HTR1D: variants seen among roughly 807,000 people sequenced by gnomAD.
The protein encoded by HTR1D is 5-HT-1D.
HTR1D carries 18 observed loss-of-function variants against 21.1 expected under a neutral mutation model. The observed-to-expected ratio is 0.85, with a 90% CI of 0.59 to 1.27. HTR1D has a LOEUF of 1.27. HTR1D is among the 50% of genes most tolerant of loss of function. The pLI is 0.00. For missense variants in HTR1D, 456 were observed against 481.4 expected (o/e 0.95, Z 0.49); for synonymous variants, 196 against 204.4 (o/e 0.96, Z 0.35).
intron 1 of HTR1D, among the ~76,000 whole-genome samples, chr1:23,215,665 G>A (rs772644103): frequency 1.3e-5 from 2 of 152,146 alleles, no homozygotes; most frequent in South Asian, 2.1e-4. Flanking sequence ...CAGTGGTCCC[G>A]CCCTCATTAT....
chr1:23,209,250 C>T (rs542738568), intron 1 of HTR1D, among the ~76,000 whole-genome samples: 5 of 152,146 alleles, frequency 3.3e-5, no homozygotes, highest in Admixed American at 2.0e-4. Context: ...CCGTCCGCCT[C>T]GGCCTCCCAA....
chr1:23,205,636 C>A (rs544532184), intron 1 of HTR1D, among the ~76,000 whole-genome samples: 1 of 152,228 alleles, frequency 6.6e-6, no homozygotes, highest in African/African-American at 2.4e-5. Context: ...TTCCGCCTCC[C>A]GGGTTCAAGT....
chr1:23,213,123 G>A (rs2148244643), intron 1 of HTR1D, among the ~76,000 whole-genome samples: 1 of 152,240 alleles, frequency 6.6e-6, no homozygotes, highest in South Asian at 2.1e-4. Context: ...ACCATATCTG[G>A]CCAGCGCCTC....
chr1:23,198,140 G>A (rs1190725096), intron 1 of HTR1D, among the ~76,000 whole-genome samples: 1 of 151,506 alleles, frequency 6.6e-6, no homozygotes, highest in African/African-American at 2.4e-5. Context: ...GGGAGGCCAA[G>A]GCAGGAGGAT....
At position 23,191,981 on chromosome 1, in the gene HTR1D, A is replaced by G. The variant is rs1644658924; in HGVS notation, c.*1105T>C. ...TCTCTAATGAGAAAGAGATGTTAAA[A>G]AAAAATTCAGAAAAAAAATTCAGAA... is the stretch of plus-strand genomic sequence containing the variant. On this transcript the variant is annotated 3_prime_UTR_variant, in exon 2 of 2. Coordinates refer to ENST00000374619, the MANE Select transcript of HTR1D (RefSeq NM_000864.5). 6.7e-6 allele frequency: 1 copy of G among 148,636 alleles called. No homozygotes were observed. The highest frequency in any genetic ancestry group is 2.2e-4 in the South Asian group (1 of 4,524). 9.2% of individuals were successfully genotyped at this position (148,636 alleles called of 1,614,324 possible).
In HTR1D at chr1:23,192,811, T is replaced by C. The variant is rs970172017; in HGVS notation, c.*275A>G. On this transcript the variant is annotated 3_prime_UTR_variant, in exon 2 of 2. Coordinates refer to ENST00000374619, the MANE Select transcript of HTR1D (RefSeq NM_000864.5). ...GAGATTGTGCCACTACACTCCAGCC[T>C]GGCGAGAGGGCAAGACTCCGTCTCA... 12 of 235,480 alleles carry C rather than the reference T, an allele frequency of 5.1e-5. No homozygotes were observed. Among genetic ancestry groups the C allele is most frequent in the Non-Finnish European group, 9.3e-5 (12 of 129,668 alleles). The allele number at this position is 235,480 out of a possible 1,614,324, so 14.6% of individuals were successfully genotyped here. A position where few individuals can be genotyped will look rare whatever the true frequency, so the allele number is the denominator to read the frequency against.
Position 23,217,002 on chromosome 1 carries a change from T to C in HTR1D, c.-783+289A>G, listed in dbSNP as rs953153324. ...CGGGGGTGCTTCCTGCCCCTCCAGT[T>C]CTCGCCTGGGCGCTGGGCACCCCCA... On this transcript the variant is annotated intron_variant, in intron 1 of 1. Transcript: ENST00000374619. The surrounding 1 kb of genome is among the most constrained non-coding windows in gnomAD (Gnocchi z 4.6). Among the ~76,000 whole-genome samples, 1 of 151,878 alleles carries C rather than the reference T, an allele frequency of 6.6e-6. No individual in the cohort carries two copies. Among genetic ancestry groups the C allele is most frequent in the Non-Finnish European group, 1.5e-5 (1 of 67,916 alleles).
chr1:23,212,110 C>A (rs1194651455), intron 1 of HTR1D, among the ~76,000 whole-genome samples: 1 of 152,214 alleles, frequency 6.6e-6, no homozygotes, highest in Non-Finnish European at 1.5e-5. Context: ...TGCAAAAACA[C>A]TGCAGTTCTG....
chr1:23,212,371 G>A (rs1235031859), intron 1 of HTR1D, among the ~76,000 whole-genome samples: 1 of 152,174 alleles, frequency 6.6e-6, no homozygotes, highest in Non-Finnish European at 1.5e-5. Context: ...AGTGCCCTGT[G>A]TGTGGGTGCC....
intron 1 of HTR1D, among the ~76,000 whole-genome samples, chr1:23,203,397 C>T (rs531236156): frequency 2.6e-5 from 4 of 152,292 alleles, no homozygotes; most frequent in East Asian, 1.9e-4. Context: ...TGGTGGCTCA[C>T]GCCTGTAATC....
chr1:23,197,593 G>T (rs535983511), intron 1 of HTR1D, among the ~76,000 whole-genome samples: 1 of 151,928 alleles, frequency 6.6e-6, no homozygotes, highest in Non-Finnish European at 1.5e-5. Context: ...AGCTGGGCAT[G>T]GTGGTGGGCA....
chr1:23,195,148 G>A (rs1202577636), intron 1 of HTR1D, among the ~76,000 whole-genome samples, 147 bp from the exon 2 acceptor site: 3 of 152,240 alleles, frequency 2.0e-5, no homozygotes, highest in Non-Finnish European at 4.4e-5. Context: ...AGAATACAGG[G>A]AGGGTGATGT....
chr1:23,196,046 G>A (rs1045282665), intron 1 of HTR1D, among the ~76,000 whole-genome samples: 5 of 151,882 alleles, frequency 3.3e-5, no homozygotes, highest in African/African-American at 9.7e-5. Context: ...TTGCTATGTT[G>A]CCACGGCTGG....
intron 1 of HTR1D, among the ~76,000 whole-genome samples, chr1:23,210,536 C>T (rs1182755350): frequency 1.3e-5 from 2 of 152,084 alleles, no homozygotes; most frequent in Non-Finnish European, 2.9e-5. Flanking sequence ...ATGATGCTGA[C>T]AGGAATTGGG....
intron 1 of HTR1D, among the ~76,000 whole-genome samples, chr1:23,212,460 C>T (rs1644757141): frequency 6.6e-6 from 1 of 152,176 alleles, no homozygotes; most frequent in African/African-American, 2.4e-5. Flanking sequence ...TGAAACTTGT[C>T]CTCCTCCTTC....
In HTR1D at chr1:23,193,890, C is replaced by T; in HGVS notation, c.330G>A (p.Leu110=). 1.2e-6 allele frequency: 2 copies of T among 1,614,182 alleles called. No individual in the cohort carries two copies. The highest frequency in any genetic ancestry group is 1.7e-6 in the Non-Finnish European group (2 of 1,180,036). ...TGTCAGAGGACAGCCAGATGTCACA[C>T]AAGATTTGGCCAAAGTTCCAGGTGT... ...ITHTWNFGQI[L]CDIWLSSDIT... Residue 110 remains leucine (L), a synonymous_variant, in exon 2 of 2, where the codon TTG becomes TTA. Coordinates refer to ENST00000374619, the MANE Select transcript of HTR1D (RefSeq NM_000864.5).
chr1:23,215,599 T>C (rs4292926), intron 1 of HTR1D, among the ~76,000 whole-genome samples: 124,441 of 152,230 alleles, frequency 0.82, 50,965 homozygotes, highest in South Asian at 0.9. Flanking sequence ...ACATTCACAT[T>C]ACTCTCACCA....
intron 1 of HTR1D, among the ~76,000 whole-genome samples, chr1:23,199,197 T>C (rs960311254): frequency 3.9e-5 from 6 of 152,162 alleles, no homozygotes; most frequent in Non-Finnish European, 8.8e-5. Flanking sequence ...CACTGCAGTC[T>C]TGACCTCCTG....
rs143458420 is a variant in HTR1D, at chr1:23,193,662, C to T, written c.558G>A (p.Ser186=). The T allele has an allele frequency of 4.8e-3, 7,683 of 1,613,264 alleles. 29 individuals are homozygous for T. The highest frequency in any genetic ancestry group is 5.3e-3 in the Non-Finnish European group (6,219 of 1,179,548). ...TCTGAGAGGTGTTCACCAGACAGTCCGACATCTCCTCCTGGGCCTTGGCCT... is the reference window on the plus strand; with the variant it reads ...TCTGAGAGGTGTTCACCAGACAGTCTGACATCTCCTCCTGGGCCTTGGCCT... ...WRQAKAQEEM[S]DCLVNTSQIS... The change falls in exon 2 of 2, where the codon TCG becomes TCA. Residue 186 remains serine, a synonymous_variant. Transcript: ENST00000374619.
Sources: allele counts gnomAD v4.1 joint callset (sites outside exome capture counted in the v4.1 genomes callset), GRCh38; gene constraint gnomAD v4.1.1; non-coding constraint Gnocchi (gnomAD v3.1); transcripts MANE v1.5; gene names NCBI Gene and HGNC (gene_info 2026-07-23, HGNC 2026-07-21).